NSUN6: variants seen among roughly 807,000 people sequenced by gnomAD.
NSUN6 encodes the protein tRNA (cytosine(72)-C(5))-methyltransferase NSUN6.
In NSUN6, 64 loss-of-function variants were observed where a neutral mutation model predicts 58.0. The observed-to-expected ratio is 1.10, with a 90% CI of 0.90 to 1.36. NSUN6 has a LOEUF of 1.36. Among genes scored for constraint, NSUN6 ranks in the 40% most tolerant of loss-of-function variants. NSUN6 has a pLI of 0.00. For missense variants in NSUN6, 701 were observed against 550.1 expected, an observed-to-expected ratio of 1.27 and a Z score of -2.74; for synonymous variants, 231 against 193.9, an observed-to-expected ratio of 1.19 and a Z score of -1.59.
intron 6 of NSUN6, among the ~76,000 whole-genome samples, chr10:18,600,172 T>C (rs370577757): frequency 3.3e-5 from 5 of 152,078 alleles, no homozygotes; most frequent in Admixed American, 6.6e-5. Context: ...ACAGGGGGTA[T>C]TGGCTTGGGG....
chr10:18,577,518 A>G (rs1431454955), intron 8 of NSUN6, among the ~76,000 whole-genome samples: 1 of 152,094 alleles, frequency 6.6e-6, no homozygotes, highest in East Asian at 1.9e-4. Flanking sequence ...ACTTACTAAA[A>G]TCTCCCTTAA....
In NSUN6 at chr10:18,630,508, C is replaced by G. The variant is rs190652214; in HGVS notation, c.311+11968G>C. 3.8e-3 allele frequency among the ~76,000 whole-genome samples: 570 copies of G among 151,860 alleles called. 3 individuals are homozygous for G. Among genetic ancestry groups the G allele is most frequent in the African/African-American group, 0.013 (518 of 41,384 alleles). ...ATCAACAAAATTGATAGACCGCTAG[C>G]AAGACTAATAAAGAAAAAAAGAGAG... On this transcript the variant is annotated intron_variant, in intron 3 of 10. Transcript: ENST00000377304.
chr10:18,556,861 G>T (rs553663359), intron 8 of NSUN6, among the ~76,000 whole-genome samples: 1 of 149,486 alleles, frequency 6.7e-6, no homozygotes, highest in African/African-American at 2.5e-5. Context: ...ATGGAGGAAG[G>T]AAGGGAATGG....
intron 7 of NSUN6, among the ~76,000 whole-genome samples, chr10:18,587,878 G>GTT (rs370440727): frequency 2.0e-5 from 3 of 147,400 alleles, no homozygotes; most frequent in South Asian, 2.2e-4. Context: ...GCTAGCTGTA[G>GTT]TTTTTTTTTT....
chr10:18,594,810 A>C (rs1023184904), intron 7 of NSUN6, among the ~76,000 whole-genome samples: 1 of 152,174 alleles, frequency 6.6e-6, no homozygotes, highest in Non-Finnish European at 1.5e-5. Flanking sequence ...TCTTCACCAG[A>C]TAATCCTGCA....
At chr10:18,600,949 T>A (rs1307391472) in intron 6 of NSUN6, among the ~76,000 whole-genome samples, 15 of 91,604 alleles carry the variant, frequency 1.6e-4, no homozygotes, top group African/African-American at 5.7e-4. Flanking sequence ...AAAATATATA[T>A]ATATATATAT....
rs1260791632 is a variant in NSUN6, at chr10:18,556,980, G to A, written c.923-5009C>T. On this transcript the variant is annotated intron_variant, in intron 8 of 10. Transcript: ENST00000377304. Reference sequence around the variant, plus strand: ...AATGGAGAATGGAAGGGAATGGAATGGAGAATGGAATGCAGTGAAAAATGG... The same window carrying A: ...AATGGAGAATGGAAGGGAATGGAATAGAGAATGGAATGCAGTGAAAAATGG... 4.0e-5 allele frequency among the ~76,000 whole-genome samples: 6 copies of A among 150,780 alleles called. No homozygotes were observed. In the Admixed American group the frequency reaches 4.0e-4, roughly 10 times the overall value.
At chr10:18,548,268 G>C (rs1364111824) in intron 9 of NSUN6, 31 bp from the exon 10 acceptor site, 2 of 1,568,868 alleles carry the variant, frequency 1.3e-6, no homozygotes, top group African/African-American at 2.7e-5. Flanking sequence ...ACCACACACA[G>C]CACAAGACCA....
chr10:18,592,250 G>A (rs1190301933), intron 7 of NSUN6, among the ~76,000 whole-genome samples: 1 of 152,170 alleles, frequency 6.6e-6, no homozygotes, highest in African/African-American at 2.4e-5. Flanking sequence ...CAAATTCCAT[G>A]CTCGTGGATA....
chr10:18,556,480 G>A (rs1179181520), intron 8 of NSUN6, among the ~76,000 whole-genome samples: 1 of 151,322 alleles, frequency 6.6e-6, no homozygotes, highest in Non-Finnish European at 1.5e-5. Context: ...GGAATGGAAT[G>A]GAATGGAGAA....
At chr10:18,604,996 C>T (rs936043572) in intron 6 of NSUN6, among the ~76,000 whole-genome samples, 2 of 151,264 alleles carry the variant, frequency 1.3e-5, no homozygotes, top group African/African-American at 4.8e-5. Context: ...TGCCATTCTC[C>T]TGCCTCAGCC....
intron 4 of NSUN6, among the ~76,000 whole-genome samples, chr10:18,615,594 G>A (rs1159727240): frequency 1.3e-5 from 2 of 152,156 alleles, no homozygotes; most frequent in East Asian, 1.9e-4. Flanking sequence ...TTGGCCAGGA[G>A]GTAGTAGTTG....
At chr10:18,595,232 T>C (rs1274178614) in intron 7 of NSUN6, among the ~76,000 whole-genome samples, 1 of 152,162 alleles carries the variant, frequency 6.6e-6, no homozygotes, top group Non-Finnish European at 1.5e-5. Flanking sequence ...GCCCCCAAAA[T>C]GTTTAGTTGT....
chr10:18,622,112 A>T (rs2058629377), intron 3 of NSUN6, among the ~76,000 whole-genome samples: 1 of 152,076 alleles, frequency 6.6e-6, no homozygotes, highest in African/African-American at 2.4e-5. Context: ...TGGATGGAAT[A>T]TTTGTGTCCC....
intron 7 of NSUN6, among the ~76,000 whole-genome samples, chr10:18,590,236 C>T (rs1387120011): frequency 2.0e-5 from 3 of 152,300 alleles, no homozygotes; most frequent in South Asian, 2.1e-4. Flanking sequence ...GCACCCAATA[C>T]AGGAGCACCC....
rs1387032875 is a variant in NSUN6, at chr10:18,609,887, G to A, written c.615C>T (p.Ser205=). The change falls in exon 6 of 11, where the codon AGC becomes AGT. Residue 205 remains serine (S), a synonymous_variant. Coordinates refer to ENST00000377304, the MANE Select transcript of NSUN6 (RefSeq NM_182543.5). ...GIRMTEPVYL[S]PSFDSVLPRY... Reference sequence around the variant, plus strand: ...GGGGCAGTACACTGTCAAATGAAGGGCTGAGATATACTGGTTCTGTCATTC... The same window carrying A: ...GGGGCAGTACACTGTCAAATGAAGGACTGAGATATACTGGTTCTGTCATTC... 5.0e-6 allele frequency: 8 copies of A among 1,605,314 alleles called. No homozygotes were observed. Among genetic ancestry groups the A allele is most frequent in the Non-Finnish European group, 6.8e-6 (8 of 1,172,210 alleles).
At chr10:18,612,327 T>C (rs2058266701) in intron 5 of NSUN6, among the ~76,000 whole-genome samples, 1 of 152,108 alleles carries the variant, frequency 6.6e-6, no homozygotes, top group Non-Finnish European at 1.5e-5. Context: ...GAGGCTGAAG[T>C]AGGAGGATCA....
chr10:18,590,740 G>C, intron 7 of NSUN6, among the ~76,000 whole-genome samples: 1 of 152,146 alleles, frequency 6.6e-6, no homozygotes. Flanking sequence ...CAGAATCTCT[G>C]GGACACAGTT....
At chr10:18,654,115 C>G (rs993330883), upstream of NSUN6, among the ~76,000 whole-genome samples, 19 of 152,104 alleles carry the variant, frequency 1.2e-4, no homozygotes, top group African/African-American at 4.6e-4. Context: ...GTGATCACTG[C>G]CCTCGAGTCT....
Sources: allele counts gnomAD v4.1 joint callset (sites outside exome capture counted in the v4.1 genomes callset), GRCh38; gene constraint gnomAD v4.1.1; transcripts MANE v1.5; gene names NCBI Gene and HGNC (gene_info 2026-07-23, HGNC 2026-07-21).